KCNK5: variants seen among roughly 807,000 people sequenced by gnomAD.
KCNK5 encodes potassium two pore domain channel subfamily K member 5, also known as potassium channel subfamily K member 5.
A neutral mutation model predicts 32.9 loss-of-function variants in KCNK5; 18 were observed. That is an observed-to-expected ratio of 0.55 (90% CI 0.38 to 0.81). The LOEUF is 0.81. Ranked by LOEUF, KCNK5 falls within the 30% of genes least tolerant of loss-of-function variation. KCNK5 has a pLI of 0.00. For synonymous variants in KCNK5, 276 were observed against 275.3 expected, an observed-to-expected ratio of 1.00 and a Z score of -0.03; for missense variants, 507 against 651.0, an observed-to-expected ratio of 0.78 and a Z score of 2.41.
At position 39,215,033 on chromosome 6, in the gene KCNK5, C is replaced by T. The variant is rs549710401; in HGVS notation, c.186+13893G>A. 3.9e-5 allele frequency among the ~76,000 whole-genome samples: 6 copies of T among 152,292 alleles called. No homozygotes were observed. The South Asian group carries it at 1.0e-3, about 26-fold the overall frequency. On this transcript the variant is annotated intron_variant, in intron 1 of 4. Transcript: ENST00000359534. ...TGCTTAGCTCAGAGAGGTGCAGTGA[C>T]CTGGCCTAAACACACAGCAAGTCAG...
chr6:39,197,371 T>C (rs1771049469), intron 1 of KCNK5, among the ~76,000 whole-genome samples: 1 of 152,252 alleles, frequency 6.6e-6, no homozygotes, highest in African/African-American at 2.4e-5. Flanking sequence ...GATGGCACGC[T>C]TGTCTGTCAG....
At chr6:39,216,153 T>C (rs1181805224) in intron 1 of KCNK5, among the ~76,000 whole-genome samples, 2 of 151,976 alleles carry the variant, frequency 1.3e-5, no homozygotes, top group African/African-American at 4.8e-5. Context: ...GGTGTGGTGG[T>C]GCATGCCTGT....
At chr6:39,201,120 C>G (rs1771126332) in intron 1 of KCNK5, among the ~76,000 whole-genome samples, 1 of 152,234 alleles carries the variant, frequency 6.6e-6, no homozygotes, top group African/African-American at 2.4e-5. Context: ...ACAGCCTTAA[C>G]AGTCTTCCTC....
At chr6:39,204,992 A>G (rs564423125) in intron 1 of KCNK5, among the ~76,000 whole-genome samples, 75 of 152,332 alleles carry the variant, frequency 4.9e-4, no homozygotes, top group African/African-American at 1.7e-3. Context: ...GAACAAAGAA[A>G]ACAAGGCAGG....
At chr6:39,217,140 A>AAAAAG (rs1562057367) in intron 1 of KCNK5, among the ~76,000 whole-genome samples, 28 of 146,402 alleles carry the variant, frequency 1.9e-4, no homozygotes, top group Admixed American at 1.2e-3. Flanking sequence ...AAAAAAAAAA[A>AAAAAG]AAAGAAAGAA....
Position 39,200,163 on chromosome 6 carries a change from G to A in KCNK5, c.187-4176C>T, listed in dbSNP as rs372346262. 4.7e-4 allele frequency among the ~76,000 whole-genome samples: 72 copies of A among 152,332 alleles called. No homozygotes were observed. The South Asian group carries it at 5.6e-3, about 12-fold the overall frequency. ...CCTCGGGGTTAGGGAAACAGCTTTC[G>A]CGGGAGGAGGCGGCCCCTGTTCACT... On this transcript the variant is annotated intron_variant, in intron 1 of 4. Coordinates refer to ENST00000359534, the MANE Select transcript of KCNK5 (RefSeq NM_003740.4).
At position 39,224,361 on chromosome 6, in the gene KCNK5, G is replaced by A. The variant is rs142957115; in HGVS notation, c.186+4565C>T. ...TTTCCAACAAGGCCTGAGACAAAGAGGGTGTTTATATTAACCCTCAACTTT... is the reference window on the plus strand; with the variant it reads ...TTTCCAACAAGGCCTGAGACAAAGAAGGTGTTTATATTAACCCTCAACTTT... On this transcript the variant is annotated intron_variant, in intron 1 of 4. Transcript: ENST00000359534. Among the ~76,000 whole-genome samples, 422 of 152,292 alleles carry A rather than the reference G, an allele frequency of 2.8e-3. 3 individuals carry two copies. Among genetic ancestry groups the A allele is most frequent in the Non-Finnish European group, 4.2e-3 (283 of 68,022 alleles).
intron 1 of KCNK5, among the ~76,000 whole-genome samples, chr6:39,208,906 A>G (rs923521070): frequency 6.6e-6 from 1 of 152,186 alleles, no homozygotes; most frequent in African/African-American, 2.4e-5. Context: ...CCTGACCAAC[A>G]TGGTGAAACC....
Position 39,191,105 on chromosome 6 carries a change from G to A in KCNK5, c.1285C>T (p.Leu429Phe), listed in dbSNP as rs773284362. ...GACTTGGAGGTCTCCTCGTCTGAGA[G>A]GCCAGCCTCCGTGTTCACGAAGGTG... ...SITFVNTEAG[L>F]SDEETSKSSL... Residue 429 changes from leucine to phenylalanine, a missense_variant, in exon 5 of 5, where the codon CTC becomes TTC. Leu to Phe is a conservative substitution (Grantham distance 22). Transcript: ENST00000359534. This position sits in a 1 kb window ranked among gnomAD's most constrained non-coding sequence, Gnocchi z 5.8. 3.7e-6 allele frequency: 6 copies of A among 1,614,184 alleles called. No homozygotes were observed. Among genetic ancestry groups the A allele is most frequent in the Non-Finnish European group, 5.1e-6 (6 of 1,180,036 alleles).
intron 1 of KCNK5, among the ~76,000 whole-genome samples, chr6:39,210,487 C>T (rs115405700): frequency 1.7e-3 from 266 of 152,320 alleles, no homozygotes; most frequent in Non-Finnish European, 3.2e-3. Context: ...CCAGATCTAG[C>T]CAGGCACCAG....
In KCNK5 at chr6:39,229,327, G is replaced by C. The variant is rs772546789; in HGVS notation, c.-216C>G. The stretch of plus-strand genomic sequence containing the variant: ...GAGCTGCGTGGGGCCCCACTCACGC[G>C]GCCCGGGGTGGGCGAACACCAGCGG... On this transcript the variant is annotated 5_prime_UTR_variant, in exon 1 of 5. Coordinates refer to ENST00000359534, the MANE Select transcript of KCNK5 (RefSeq NM_003740.4). The C allele has an allele frequency of 3.3e-6, 2 of 599,306 alleles. No homozygotes were observed. The highest frequency in any genetic ancestry group is 5.8e-6 in the Non-Finnish European group (2 of 342,732). 37.1% of individuals were successfully genotyped at this position (599,306 alleles called of 1,614,324 possible). A position where few individuals can be genotyped will look rare whatever the true frequency, so the allele number is the denominator to read the frequency against.
chr6:39,218,672 G>A (rs948238308), intron 1 of KCNK5, among the ~76,000 whole-genome samples: 6 of 152,198 alleles, frequency 3.9e-5, no homozygotes, highest in Admixed American at 6.5e-5. Context: ...CTGTGTAGCT[G>A]CAAGCCTCTT....
chr6:39,202,061 T>C (rs1771141314), intron 1 of KCNK5, among the ~76,000 whole-genome samples: 1 of 152,148 alleles, frequency 6.6e-6, no homozygotes, highest in Admixed American at 6.5e-5. Context: ...TCCCCTAGAG[T>C]GCCAGCTTCA....
At chr6:39,195,808 G>A (rs1771019976) in intron 2 of KCNK5, 68 bp downstream of exon 2, 1 of 1,116,868 alleles carries the variant, frequency 9.0e-7, no homozygotes, top group Non-Finnish European at 1.3e-6. Context: ...ACCAGAGCTG[G>A]GTTTCTAGAA....
At chr6:39,215,503 G>A (rs1771415574) in intron 1 of KCNK5, among the ~76,000 whole-genome samples, 1 of 152,166 alleles carries the variant, frequency 6.6e-6, no homozygotes, top group African/African-American at 2.4e-5. Context: ...CCTCCATCCC[G>A]CACTGGGGGC....
At chr6:39,195,481 G>C (rs2561428) in intron 2 of KCNK5, among the ~76,000 whole-genome samples, 139,726 of 152,312 alleles carry the variant, frequency 0.92, 64,400 homozygotes, top group East Asian at 0.99. Context: ...CAGTCAAGCT[G>C]ACAGAATGGT....
At chr6:39,202,495 G>C (rs1771147428) in intron 1 of KCNK5, among the ~76,000 whole-genome samples, 1 of 152,168 alleles carries the variant, frequency 6.6e-6, no homozygotes, top group Non-Finnish European at 1.5e-5. Context: ...AGGCAGACAA[G>C]AGCCCAGAGG....
chr6:39,204,117 G>T (rs770557705), intron 1 of KCNK5, among the ~76,000 whole-genome samples: 4 of 152,248 alleles, frequency 2.6e-5, no homozygotes, highest in Non-Finnish European at 4.4e-5. Flanking sequence ...CCGTCTCCTC[G>T]AAGACCAGAG....
chr6:39,209,675 GAC>G lies in KCNK5; in HGVS notation c.187-13690_187-13689del, dbSNP rs998431275. Among the ~76,000 whole-genome samples, 3 of 152,306 alleles carry G rather than the reference GAC, an allele frequency of 2.0e-5. No individual in the cohort carries two copies. In the South Asian group the frequency reaches 6.2e-4, roughly 32 times the overall value. ...CAGAAGGAACGAGGGCCATGCCTCA[GAC>G]ACACACACATCCTTTCTCTCCTCCA... On this transcript the variant is annotated intron_variant, in intron 1 of 4. Transcript: ENST00000359534.
Sources: allele counts gnomAD v4.1 joint callset (sites outside exome capture counted in the v4.1 genomes callset), GRCh38; gene constraint gnomAD v4.1.1; non-coding constraint Gnocchi (gnomAD v3.1); transcripts MANE v1.5; gene names NCBI Gene and HGNC (gene_info 2026-07-23, HGNC 2026-07-21).